The following ACP6 variants were observed in gnomAD, a reference collection of about 807,000 sequenced individuals.
ACP6 encodes the protein acid phosphatase 6, lysophosphatidic.
A neutral mutation model predicts 48.1 loss-of-function variants in ACP6; 48 were observed. The ratio of observed to expected loss-of-function variants is 1.00; its 90% CI spans 0.79 to 1.27. The LOEUF (loss-of-function observed/expected upper bound fraction) is 1.27. Among genes scored for constraint, ACP6 ranks in the 50% most tolerant of loss-of-function variants. ACP6 has a pLI of 0.00. For synonymous variants in ACP6, 172 were observed against 204.2 expected (o/e 0.84, Z 1.34); for missense variants, 485 against 529.1 (o/e 0.92, Z 0.82).
At position 147,663,263 on chromosome 1, in the gene ACP6, T is replaced by A. The variant is rs587740544; in HGVS notation, c.220-3488A>T. Among the ~76,000 whole-genome samples the A allele has an allele frequency of 3.4e-5, 5 of 148,100 alleles. No individual in the cohort carries two copies. The East Asian group carries it at 1.0e-3, about 30-fold the overall frequency. Reference sequence around the variant, plus strand: ...TCTAAAGAAGTCAAAGTCACAGAATTAGAGAGTAGAGTGATGGTTATCAGA... The same window carrying A: ...TCTAAAGAAGTCAAAGTCACAGAATAAGAGAGTAGAGTGATGGTTATCAGA... On this transcript the variant is annotated intron_variant, in intron 1 of 9. Transcript: ENST00000583509.
At chr1:147,666,821 T>C (rs587704625) in intron 1 of ACP6, among the ~76,000 whole-genome samples, 60 of 152,350 alleles carry the variant, frequency 3.9e-4, no homozygotes, top group Non-Finnish European at 7.5e-4. Context: ...CCTCATGTAA[T>C]GCTTCTTGAA....
intron 4 of ACP6, among the ~76,000 whole-genome samples, chr1:147,657,137 A>G (rs1227036213): frequency 3.9e-5 from 6 of 152,216 alleles, no homozygotes; most frequent in East Asian, 1.9e-4. Flanking sequence ...ACTTAAACTT[A>G]TAACACTAAT....
In ACP6 at chr1:147,654,282, T is replaced by A; in HGVS notation, c.692A>T (p.Asp231Val). The A allele has an allele frequency of 6.2e-7, 1 of 1,614,148 alleles. No individual in the cohort carries two copies. Among genetic ancestry groups the A allele is most frequent in the Non-Finnish European group, 8.5e-7 (1 of 1,180,030 alleles). Residue 231 changes from aspartate to valine, a missense_variant, in exon 6 of 10, where the codon GAT becomes GTT. By Grantham distance (152) the Asp-to-Val change is radical. Coordinates refer to ENST00000583509, the MANE Select transcript of ACP6 (RefSeq NM_016361.5). ...CATCCTGTCCTTCACCTTTTTCAAATCCTCTGAGATTCCTGGCTGTAAAGA... is the reference window on the plus strand; with the variant it reads ...CATCCTGTCCTTCACCTTTTTCAAAACCTCTGAGATTCCTGGCTGTAAAGA... Reference protein sequence around the residue: ...TASLQPGISEDLKKVKDRMGI... With the variant: ...TASLQPGISEVLKKVKDRMGI...
chr1:147,659,167 T>C (rs1660404103), intron 3 of ACP6, 128 bp from the exon 4 acceptor site: 5 of 1,094,072 alleles, frequency 4.6e-6, no homozygotes, highest in Non-Finnish European at 6.5e-6. Context: ...CTAGGAAGAA[T>C]GCTTCACTTT....
At chr1:147,669,763 A>T in intron 1 of ACP6, 67 bp downstream of exon 1, 1 of 1,449,098 alleles carries the variant, frequency 6.9e-7, no homozygotes, top group East Asian at 2.5e-5. Context: ...GATGTGTGTC[A>T]GGGCGAGACT....
rs1184669586 is a variant in ACP6, at chr1:147,646,931, G to T, written c.*492C>A. Reference sequence around the variant, plus strand: ...ACATCCCCTGCCATGTGAGCAGGAAGTTTCTTCTCTATACCCAAATAGCCC... The same window carrying T: ...ACATCCCCTGCCATGTGAGCAGGAATTTTCTTCTCTATACCCAAATAGCCC... On this transcript the variant is annotated 3_prime_UTR_variant, in exon 10 of 10. Transcript: ENST00000583509. 3 of 154,346 alleles carry T rather than the reference G, an allele frequency of 1.9e-5. No individual in the cohort carries two copies. The highest frequency in any genetic ancestry group is 2.9e-5 in the Non-Finnish European group (2 of 69,526). The allele number at this position is 154,346 out of a possible 1,614,324, so 9.6% of individuals were successfully genotyped here.
rs1553212321 is a variant in ACP6 at position 147,659,522 on chromosome 1, C to A, written c.353G>T (p.Gly118Val). 1.9e-6 allele frequency: 3 copies of A among 1,613,644 alleles called. No individual in the cohort carries two copies. The highest frequency in any genetic ancestry group is 1.3e-5 in the African/African-American group (1 of 74,616). Residue 118 changes from glycine (G) to valine (V), a missense_variant, in exon 3 of 10, where the codon GGC (glycine) becomes GTC (valine). Physicochemically the swap from Gly to Val is moderately radical, Grantham distance 109. Coordinates refer to ENST00000583509, the MANE Select transcript of ACP6 (RefSeq NM_016361.5). ...CTTGGTCAGCTGCCCAGCAAACATG[C>A]CCCCCTAAAGTAGGGAAGAAAGAGA... ...SQYHETTLKG[G>V]MFAGQLTKVG...
chr1:147,632,907 G>T (rs1570935908), intron 5 of ACP6, among the ~76,000 whole-genome samples: 1 of 152,104 alleles, frequency 6.6e-6, no homozygotes, highest in Non-Finnish European at 1.5e-5. Flanking sequence ...GAACCCCCAA[G>T]ACTTCATTGG....
intron 1 of ACP6, among the ~76,000 whole-genome samples, chr1:147,665,051 G>C (rs189568174): frequency 1.7e-3 from 264 of 152,300 alleles, no homozygotes; most frequent in Middle Eastern, 0.014. Context: ...CCTGGGAATG[G>C]TTTTCCAATT....
At chr1:147,660,483 A>G (rs1025308638) in intron 1 of ACP6, among the ~76,000 whole-genome samples, 8 of 152,262 alleles carry the variant, frequency 5.3e-5, no homozygotes, top group East Asian at 1.9e-4. Context: ...TTCCCAATCT[A>G]CTATGTCCCT....
chr1:147,664,983 C>A (rs587702272), intron 1 of ACP6, among the ~76,000 whole-genome samples: 3 of 152,112 alleles, frequency 2.0e-5, no homozygotes, highest in Non-Finnish European at 4.4e-5. Flanking sequence ...AGAAAGCTTG[C>A]GCAAAGCAGA....
At chr1:147,637,166 G>C (rs1443660847) in intron 5 of ACP6, among the ~76,000 whole-genome samples, 2 of 152,086 alleles carry the variant, frequency 1.3e-5, no homozygotes, top group African/African-American at 4.8e-5. Context: ...AATGAGGCCT[G>C]ACTCTGACTC....
chr1:147,658,756 A>ACTG (rs1354404374), intron 4 of ACP6, among the ~76,000 whole-genome samples: 1 of 152,184 alleles, frequency 6.6e-6, no homozygotes, highest in East Asian at 1.9e-4. Context: ...CAGCTGCTAC[A>ACTG]CTGCTGCTGC....
chr1:147,664,296 G>GCC (rs1191046354), intron 1 of ACP6, among the ~76,000 whole-genome samples: 5 of 152,052 alleles, frequency 3.3e-5, no homozygotes, highest in Non-Finnish European at 7.4e-5. Context: ...CTCTCTAGCA[G>GCC]CCCCCTTACC....
At chr1:147,669,693 G>T in intron 1 of ACP6, 137 bp downstream of exon 1, 1 of 873,060 alleles carries the variant, frequency 1.1e-6, no homozygotes. Context: ...ACTGGCTACT[G>T]CTGTTTTCCC....
chr1:147,636,990 A>G (rs1417027758), intron 5 of ACP6, among the ~76,000 whole-genome samples: 11 of 152,220 alleles, frequency 7.2e-5, no homozygotes, highest in Admixed American at 6.5e-4. Flanking sequence ...TTCAAGAGCT[A>G]CTGGAGTCCC....
At chr1:147,640,898 A>G (rs587594876), downstream of ACP6, among the ~76,000 whole-genome samples, 107 of 152,256 alleles carry the variant, frequency 7.0e-4, no homozygotes, top group African/African-American at 2.4e-3. Flanking sequence ...GTGGACTGGG[A>G]AGGGCCGGGC....
intron 8 of ACP6, 99 bp downstream of exon 8, chr1:147,650,044 C>G (rs1425687030): frequency 1.0e-6 from 1 of 977,064 alleles, no homozygotes; most frequent in African/African-American, 1.7e-5. Flanking sequence ...CGGTCACTGA[C>G]AGCCTGGTTC....
In ACP6 at chr1:147,644,126, G is replaced by A. The variant is rs587749227; in HGVS notation, c.*3297C>T. 59 of 152,226 alleles carry A rather than the reference G, an allele frequency of 3.9e-4. No individual in the cohort carries two copies. Among genetic ancestry groups the A allele is most frequent in the African/African-American group, 1.2e-3 (49 of 41,514 alleles). The allele number at this position is 152,226 out of a possible 1,614,324, so 9.4% of individuals were successfully genotyped here. ...AAGACAAAAGCACTCAAACCACAGCGACTGTACACCTGAAAACTACTAAAG... is the reference window on the plus strand; with the variant it reads ...AAGACAAAAGCACTCAAACCACAGCAACTGTACACCTGAAAACTACTAAAG... On this transcript the variant is annotated 3_prime_UTR_variant, in exon 10 of 10. Transcript: ENST00000583509.
Sources: allele counts gnomAD v4.1 joint callset (sites outside exome capture counted in the v4.1 genomes callset), GRCh38; gene constraint gnomAD v4.1.1; transcripts MANE v1.5; gene names NCBI Gene and HGNC (gene_info 2026-07-23, HGNC 2026-07-21).